GPHN: variants seen among roughly 807,000 people sequenced by gnomAD.
GPHN encodes gephyrin.
Under a neutral mutation model 95.5 loss-of-function variants are expected in GPHN, and 17 were observed. The ratio of observed to expected loss-of-function variants is 0.18; its 90% CI spans 0.12 to 0.27. The LOEUF is 0.27. GPHN is among the 10% of genes least tolerant of loss of function. GPHN has a pLI of 1.00. For synonymous variants in GPHN, 320 were observed against 322.5 expected (o/e 0.99, Z 0.08); for missense variants, 660 against 978.1 (o/e 0.67, Z 4.34).
chr14:67,117,167 T>C lies in GPHN; in HGVS notation c.1626+3996T>C, dbSNP rs149274898. On this transcript the variant is annotated intron_variant, in intron 16 of 22. Coordinates refer to ENST00000478722, the MANE Select transcript of GPHN (RefSeq NM_020806.5). ...TCTCTTTGCAAAGAGTGGGAAAGCCTTAAATGCAAGCAAACCCATTTCAAT... is the reference window on the plus strand; with the variant it reads ...TCTCTTTGCAAAGAGTGGGAAAGCCCTAAATGCAAGCAAACCCATTTCAAT... Among the ~76,000 whole-genome samples the C allele has an allele frequency of 2.9e-4, 44 of 152,316 alleles. No homozygotes were observed. In the East Asian group the frequency reaches 8.3e-3, roughly 29 times the overall value.
chr14:67,162,686 A>G (rs1767503429), intron 19 of GPHN, among the ~76,000 whole-genome samples: 1 of 152,234 alleles, frequency 6.6e-6, no homozygotes, highest in African/African-American at 2.4e-5. Context: ...ATCAGTATCA[A>G]AATCGAATCT....
the GPHN span, among the ~76,000 whole-genome samples, chr14:67,226,146 G>A: frequency 1.3e-5 from 2 of 152,090 alleles, no homozygotes; most frequent in African/African-American, 4.8e-5. Context: ...TGCCACCAAA[G>A]CCAGCTTAGC....
the GPHN span, among the ~76,000 whole-genome samples, chr14:67,262,262 T>A: frequency 6.6e-6 from 1 of 152,168 alleles, no homozygotes; most frequent in African/African-American, 2.4e-5. Context: ...AGCCTATCCC[T>A]TTTGTGTCCT....
the GPHN span, among the ~76,000 whole-genome samples, chr14:67,426,584 G>C: frequency 2.0e-5 from 3 of 151,918 alleles, no homozygotes; most frequent in Admixed American, 6.6e-5. Flanking sequence ...GTTTTGTTTT[G>C]TTTTTTTTGA....
chr14:66,754,165 A>T (rs986334467), intron 2 of GPHN, among the ~76,000 whole-genome samples: 5 of 152,078 alleles, frequency 3.3e-5, no homozygotes, highest in African/African-American at 9.7e-5. Flanking sequence ...TGGTATGAAC[A>T]TTCATTTACA....
intron 9 of GPHN, among the ~76,000 whole-genome samples, chr14:66,970,015 A>G (rs1288061258): frequency 6.6e-6 from 1 of 151,354 alleles, no homozygotes; most frequent in Non-Finnish European, 1.5e-5. Flanking sequence ...AATATAGTCT[A>G]TAGTCACATA....
the GPHN span, among the ~76,000 whole-genome samples, chr14:67,240,944 G>T: frequency 2.0e-5 from 3 of 152,222 alleles, no homozygotes; most frequent in Admixed American, 6.5e-5. Context: ...AACTTGACAG[G>T]ACATGAGGAA....
At chr14:66,673,389 G>T (rs1428996543) in intron 1 of GPHN, among the ~76,000 whole-genome samples, 2 of 152,186 alleles carry the variant, frequency 1.3e-5, no homozygotes, top group Non-Finnish European at 2.9e-5. Flanking sequence ...ACCACGCCCT[G>T]CCTGTTTTTA....
chr14:66,653,913 T>G (rs1386786451), intron 1 of GPHN, among the ~76,000 whole-genome samples: 1 of 152,170 alleles, frequency 6.6e-6, no homozygotes, highest in Non-Finnish European at 1.5e-5. Flanking sequence ...TAACACAGTT[T>G]TCTTTTCTCT....
At chr14:67,390,641 T>A in the GPHN span, 1 of 1,551,784 alleles carries the variant, frequency 6.4e-7, no homozygotes, top group Admixed American at 1.7e-5. Context: ...GGGACCAACA[T>A]GGAGCCAGCA....
At chr14:66,642,425 C>G (rs1312555363) in intron 1 of GPHN, among the ~76,000 whole-genome samples, 1 of 152,102 alleles carries the variant, frequency 6.6e-6, no homozygotes, top group South Asian at 2.1e-4. Flanking sequence ...TAAACATAGC[C>G]TCTAGCTTAA....
intron 5 of GPHN, among the ~76,000 whole-genome samples, chr14:66,889,600 T>G (rs2064368367): frequency 6.6e-6 from 1 of 152,094 alleles, no homozygotes; most frequent in Non-Finnish European, 1.5e-5. Context: ...CAAAACTTCA[T>G]AGCATGCAGA....
At chr14:67,023,753 G>A (rs2073784206) in intron 10 of GPHN, 78 bp downstream of exon 10, 5 of 1,205,592 alleles carry the variant, frequency 4.1e-6, no homozygotes, top group Admixed American at 3.5e-5. Context: ...TGAAAAAAAA[G>A]AAGAAAAGCA....
intron 8 of GPHN, among the ~76,000 whole-genome samples, chr14:66,954,563 C>T (rs1344396276): frequency 6.6e-6 from 1 of 152,056 alleles, no homozygotes; most frequent in Non-Finnish European, 1.5e-5. Context: ...TATATAAAAC[C>T]ATGTCATCTG....
the GPHN span, among the ~76,000 whole-genome samples, chr14:67,247,110 G>A: frequency 6.6e-6 from 1 of 152,170 alleles, no homozygotes; most frequent in Non-Finnish European, 1.5e-5. Context: ...GATTGAGATT[G>A]TGTCTAATTT....
chr14:67,499,740 A>G, the GPHN span, among the ~76,000 whole-genome samples: 1 of 152,138 alleles, frequency 6.6e-6, no homozygotes, highest in Non-Finnish European at 1.5e-5. Flanking sequence ...TGCCAGAAAT[A>G]CTTATGGCTC....
At chr14:67,576,094 C>G in the GPHN span, 2 of 1,064,912 alleles carry the variant, frequency 1.9e-6, no homozygotes, top group Non-Finnish European at 2.7e-6. This position sits in a 1 kb window ranked among gnomAD's most constrained non-coding sequence, Gnocchi z 4.0. Flanking sequence ...TCCCAAAATT[C>G]AAATTTATTT....
chr14:67,330,455 A>AT, the GPHN span, among the ~76,000 whole-genome samples: 1,841 of 117,770 alleles, frequency 0.016, 21 homozygotes, highest in Middle Eastern at 0.031. Flanking sequence ...ATTTCCCTTC[A>AT]TTTTTTTTTT....
At chr14:67,439,307 G>A in the GPHN span, among the ~76,000 whole-genome samples, 1 of 152,172 alleles carries the variant, frequency 6.6e-6, no homozygotes, top group Non-Finnish European at 1.5e-5. Flanking sequence ...TTTTCCTCTT[G>A]TAGTAGTTGT....
Sources: allele counts gnomAD v4.1 joint callset (sites outside exome capture counted in the v4.1 genomes callset), GRCh38; gene constraint gnomAD v4.1.1; non-coding constraint Gnocchi (gnomAD v3.1); transcripts MANE v1.5; gene names NCBI Gene and HGNC (gene_info 2026-07-23, HGNC 2026-07-21).